Variants in ZC3H11A observed in about 807,000 individuals in gnomAD.
The protein encoded by ZC3H11A is zinc finger CCCH-type containing 11A.
A neutral mutation model predicts 90.8 loss-of-function variants in ZC3H11A; 22 were observed. The observed-to-expected ratio is 0.24, with a 90% confidence interval of 0.17 to 0.35. The LOEUF is 0.35. Ranked by LOEUF, ZC3H11A falls within the 10% of genes least tolerant of loss-of-function variation. ZC3H11A has a pLI of 1.00. For synonymous variants in ZC3H11A, 294 were observed against 339.8 expected (o/e 0.87, Z 1.48); for missense variants, 701 against 964.9 (o/e 0.73, Z 3.62).
intron 17 of ZC3H11A, 27 bp downstream of exon 17, chr1:203,851,151 A>T (rs1235710054): frequency 6.2e-7 from 1 of 1,608,674 alleles, no homozygotes; most frequent in Non-Finnish European, 8.5e-7. Flanking sequence ...CTTTCTAAAC[A>T]AACTCCAGGC....
At chr1:203,798,391 G>T in intron 1 of ZC3H11A, 1 of 1,534,698 alleles carries the variant, frequency 6.5e-7, no homozygotes, top group Non-Finnish European at 8.7e-7. Context: ...ATATGTAAAA[G>T]AAGTGTGAGC....
chr1:203,815,019 G>T (rs1458309268), intron 2 of ZC3H11A: 1 of 151,576 alleles, frequency 6.6e-6, no homozygotes, highest in Non-Finnish European at 1.5e-5. Flanking sequence ...TAGTAGAGAT[G>T]GGGTTTCGCC....
chr1:203,799,295 C>A (rs917322820), intron 1 of ZC3H11A: 2 of 718,912 alleles, frequency 2.8e-6, no homozygotes, highest in Non-Finnish European at 5.0e-6. Context: ...TAAATATGGT[C>A]ATTCAGGACT....
At chr1:203,835,694 CT>C in intron 10 of ZC3H11A, 1 of 251,514 alleles carries the variant, frequency 4.0e-6, no homozygotes, top group Non-Finnish European at 8.6e-6. Flanking sequence ...CTTGAGTTAC[CT>C]TTCCCCAGAT....
At chr1:203,842,314 G>A (rs1205285630) in intron 12 of ZC3H11A, among the ~76,000 whole-genome samples, 1 of 152,196 alleles carries the variant, frequency 6.6e-6, no homozygotes, top group East Asian at 1.9e-4. Flanking sequence ...GCAACATTGA[G>A]CACTGAGTGA....
At chr1:203,809,414 A>G (rs1269302928) in intron 2 of ZC3H11A, among the ~76,000 whole-genome samples, 1 of 150,392 alleles carries the variant, frequency 6.6e-6, no homozygotes, top group Non-Finnish European at 1.5e-5. Context: ...TGACCTCGTG[A>G]TCCGCCCATC....
chr1:203,841,156 T>A (rs868776367), intron 12 of ZC3H11A, among the ~76,000 whole-genome samples: 85 of 144,234 alleles, frequency 5.9e-4, no homozygotes, highest in Middle Eastern at 3.5e-3. Flanking sequence ...TTTTTTTTTT[T>A]ATTTTTTTTT....
Position 203,848,228 on chromosome 1 carries a change from G to A in ZC3H11A, c.1547-103G>A, listed in dbSNP as rs1688406795. Reference sequence around the variant, plus strand: ...ATGGGCTTTATCTGTAATTTTATTTGTCCTGTCTTACTACTTTCATTAAAT... The same window carrying A: ...ATGGGCTTTATCTGTAATTTTATTTATCCTGTCTTACTACTTTCATTAAAT... On this transcript the variant is annotated intron_variant, in intron 13 of 17. Transcript: ENST00000367210. The A allele has an allele frequency of 5.3e-6, 5 of 934,972 alleles. No individual in the cohort carries two copies. The South Asian group carries it at 6.4e-5, about 12-fold the overall frequency. The allele number at this position is 934,972 out of a possible 1,614,324, so 57.9% of individuals were successfully genotyped here. A position where few individuals can be genotyped will look rare whatever the true frequency, so the allele number is the denominator to read the frequency against.
At chr1:203,817,591 T>C (rs938217099) in intron 3 of ZC3H11A, among the ~76,000 whole-genome samples, 1 of 152,086 alleles carries the variant, frequency 6.6e-6, no homozygotes, top group Admixed American at 6.6e-5. Context: ...ATACTAAATA[T>C]GCTTTTGCAG....
intron 2 of ZC3H11A, among the ~76,000 whole-genome samples, chr1:203,812,733 TACCACGGCC>T (rs1674943641): frequency 6.6e-6 from 1 of 151,748 alleles, no homozygotes; most frequent in South Asian, 2.1e-4. Flanking sequence ...AGGTGTGTGC[TACCACGGCC>T]AGCTAATTTT....
chr1:203,841,797 C>T (rs2103270398), intron 12 of ZC3H11A, among the ~76,000 whole-genome samples: 1 of 150,022 alleles, frequency 6.7e-6, no homozygotes, highest in East Asian at 2.0e-4. Flanking sequence ...CCACCTCCCT[C>T]CCGGACGGGG....
At chr1:203,832,923 G>A (rs16830289) in intron 9 of ZC3H11A, among the ~76,000 whole-genome samples, 73,424 of 151,948 alleles carry the variant, frequency 0.48, 18,294 homozygotes, top group Non-Finnish European at 0.53. Context: ...TCTTATACTC[G>A]ACTGCTATTA....
intron 10 of ZC3H11A, among the ~76,000 whole-genome samples, chr1:203,836,439 T>G (rs1684350809): frequency 6.6e-6 from 1 of 152,284 alleles, no homozygotes; most frequent in Non-Finnish European, 1.5e-5. Flanking sequence ...TTTAAACAAC[T>G]TGTATTGAAC....
chr1:203,838,117 CTT>C, intron 11 of ZC3H11A, 53 bp downstream of exon 11: 1 of 1,509,604 alleles, frequency 6.6e-7, no homozygotes, highest in Non-Finnish European at 9.1e-7. Context: ...ACACTTGTGT[CTT>C]GTAATGCTAA....
At chr1:203,849,104 C>T (rs370938762) in intron 14 of ZC3H11A, among the ~76,000 whole-genome samples, 2 of 152,192 alleles carry the variant, frequency 1.3e-5, no homozygotes, top group African/African-American at 2.4e-5. Context: ...AGAGTGGTCT[C>T]GAACTTCTGG....
At chr1:203,833,364 C>CA (rs34277550) in intron 9 of ZC3H11A, among the ~76,000 whole-genome samples, 1,487 of 71,016 alleles carry the variant, frequency 0.021, 34 homozygotes, top group African/African-American at 0.066. Flanking sequence ...GACTCTGTCT[C>CA]AAAAAAAAAA....
intron 9 of ZC3H11A, among the ~76,000 whole-genome samples, chr1:203,832,400 G>A (rs1307193573): frequency 2.0e-5 from 3 of 150,750 alleles, no homozygotes; most frequent in Non-Finnish European, 3.0e-5. Context: ...TTGCTCTGTC[G>A]CCCAGGCTAA....
chr1:203,809,086 T>C (rs1673376054), intron 2 of ZC3H11A, among the ~76,000 whole-genome samples: 1 of 151,306 alleles, frequency 6.6e-6, no homozygotes, highest in African/African-American at 2.4e-5. Flanking sequence ...TGTCTCGGCC[T>C]CCCAAAGTGC....
intron 2 of ZC3H11A, among the ~76,000 whole-genome samples, chr1:203,806,433 C>G (rs1024412328): frequency 6.6e-6 from 1 of 152,132 alleles, no homozygotes; most frequent in Non-Finnish European, 1.5e-5. Flanking sequence ...TGCTGAGTAG[C>G]TGGGATTATA....
Sources: allele counts gnomAD v4.1 joint callset (sites outside exome capture counted in the v4.1 genomes callset), GRCh38; gene constraint gnomAD v4.1.1; transcripts MANE v1.5; gene names NCBI Gene and HGNC (gene_info 2026-07-23, HGNC 2026-07-21).